CBLB: variants seen among roughly 807,000 people sequenced by gnomAD.
CBLB encodes the protein Cbl proto-oncogene B, also known as E3 ubiquitin-protein ligase CBL-B.
CBLB carries 31 observed loss-of-function variants against 104.9 expected under a neutral mutation model. The observed-to-expected ratio is 0.30, with a 90% confidence interval of 0.22 to 0.40. The LOEUF (loss-of-function observed/expected upper bound fraction) is 0.40. Ranked by LOEUF, CBLB falls within the 10% of genes least tolerant of loss-of-function variation. The pLI, the probability that CBLB is intolerant of heterozygous loss-of-function variation, is 1.00. For synonymous variants in CBLB, 440 were observed against 422.6 expected (o/e 1.04, Z -0.51); for missense variants, 1,062 against 1,214.6 (o/e 0.87, Z 1.87).
chr3:105,803,585 G>A (rs1358081470), intron 3 of CBLB, among the ~76,000 whole-genome samples: 1 of 152,134 alleles, frequency 6.6e-6, no homozygotes, highest in African/African-American at 2.4e-5. Context: ...TGGCTCACTT[G>A]AGCCCCACTC....
intron 4 of CBLB, among the ~76,000 whole-genome samples, chr3:105,771,034 C>T (rs759713661): frequency 8.5e-5 from 13 of 152,112 alleles, no homozygotes; most frequent in African/African-American, 1.7e-4. Context: ...GGGAATCCTC[C>T]GTAAATCATT....
At chr3:105,861,096 A>G (rs1484297285) in intron 2 of CBLB, among the ~76,000 whole-genome samples, 2 of 152,008 alleles carry the variant, frequency 1.3e-5, no homozygotes, top group Non-Finnish European at 2.9e-5. Context: ...TGTGTCTTTC[A>G]TTACTTGAAA....
At chr3:105,761,064 ATTC>A (rs528022284) in intron 4 of CBLB, among the ~76,000 whole-genome samples, 209 of 152,200 alleles carry the variant, frequency 1.4e-3, no homozygotes, top group Non-Finnish European at 2.6e-3. Context: ...GCAGGGTCTC[ATTC>A]TGTCACCCAG....
rs563253232 is a variant in CBLB at position 105,656,746 on chromosome 3, T to C, written c.*2224A>G. On this transcript the variant is annotated 3_prime_UTR_variant, in exon 19 of 19. Transcript: ENST00000394030. ...TGTGCTATGTTCTCTAACATTCTTA[T>C]TTTACATCATTCTCTAATATATTAG... 1 of 194,500 alleles carries C rather than the reference T, an allele frequency of 5.1e-6. No individual in the cohort carries two copies. Among genetic ancestry groups the C allele is most frequent in the South Asian group, 1.9e-4 (1 of 5,180 alleles). The allele number at this position is 194,500 out of a possible 1,614,324, so 12.0% of individuals were successfully genotyped here. A position where few individuals can be genotyped will look rare whatever the true frequency, so the allele number is the denominator to read the frequency against.
intron 17 of CBLB, chr3:105,672,305 A>T (rs1168070301): frequency 1.1e-5 from 2 of 181,402 alleles, no homozygotes; most frequent in African/African-American, 4.7e-5. Context: ...TACTAGATAC[A>T]CTCAAAATAT....
intron 3 of CBLB, among the ~76,000 whole-genome samples, chr3:105,837,961 T>C (rs545431570): frequency 3.3e-5 from 5 of 152,258 alleles, no homozygotes; most frequent in East Asian, 3.9e-4. Flanking sequence ...AATCATCCTA[T>C]AGTAATTCTA....
intron 10 of CBLB, among the ~76,000 whole-genome samples, chr3:105,712,788 T>C (rs2152809541): frequency 6.6e-6 from 1 of 152,356 alleles, no homozygotes; most frequent in Non-Finnish European, 1.5e-5. Flanking sequence ...AAATTATAAC[T>C]ATATAGATGT....
At chr3:105,863,803 A>G (rs1448113606) in intron 2 of CBLB, among the ~76,000 whole-genome samples, 1 of 152,208 alleles carries the variant, frequency 6.6e-6, no homozygotes, top group Non-Finnish European at 1.5e-5. Context: ...ATAAATGACG[A>G]GGACAGCAAA....
intron 14 of CBLB, among the ~76,000 whole-genome samples, chr3:105,683,550 T>C (rs1008078212): frequency 6.6e-6 from 1 of 151,846 alleles, no homozygotes; most frequent in African/African-American, 2.4e-5. Flanking sequence ...TCCTCACTTA[T>C]CCAGCAATGA....
intron 4 of CBLB, among the ~76,000 whole-genome samples, chr3:105,772,314 G>A (rs151175030): frequency 6.6e-6 from 1 of 152,050 alleles, no homozygotes; most frequent in African/African-American, 2.4e-5. Flanking sequence ...AAACTGGCAG[G>A]CCACATGTAG....
At position 105,850,316 on chromosome 3, in the gene CBLB, T is replaced by A. The variant is rs1330611512; in HGVS notation, c.419+3098A>T. On this transcript the variant is annotated intron_variant, in intron 3 of 18. Transcript: ENST00000394030. The stretch of plus-strand genomic sequence containing the variant: ...GTATTTGGCCAGTATTCATAGAAAA[T>A]TTAGAGTTCACATACCTCCATAACT... 2.0e-5 allele frequency among the ~76,000 whole-genome samples: 3 copies of A among 152,052 alleles called. No homozygotes were observed. In the East Asian group the frequency reaches 5.8e-4, roughly 29 times the overall value.
intron 5 of CBLB, among the ~76,000 whole-genome samples, chr3:105,748,934 G>C (rs1171341272): frequency 6.6e-6 from 1 of 152,044 alleles, no homozygotes; most frequent in Non-Finnish European, 1.5e-5. Context: ...CAATAATTTA[G>C]TCAGAAGTCA....
chr3:105,766,569 T>G (rs2078249209), intron 4 of CBLB, among the ~76,000 whole-genome samples: 1 of 152,162 alleles, frequency 6.6e-6, no homozygotes, highest in African/African-American at 2.4e-5. Context: ...GAGGCACAAC[T>G]CTCCAGCAGC....
intron 9 of CBLB, among the ~76,000 whole-genome samples, chr3:105,726,720 C>T (rs1010261811): frequency 1.3e-5 from 2 of 152,094 alleles, no homozygotes; most frequent in South Asian, 2.1e-4. Context: ...CAGCCGCTGA[C>T]AGACCCTGGT....
chr3:105,776,445 T>A lies in CBLB; in HGVS notation c.517A>T (p.Ile173Phe). The stretch of plus-strand genomic sequence containing the variant: ...AATTCAGCAGCATCTGCTTTTGTGA[T>A]ACGAAAGTTATCTCCCTGGAATTGA... ...NGQFQGDNFRITKADAAEFWR... is the reference protein window; with the variant it reads ...NGQFQGDNFRFTKADAAEFWR... Residue 173 changes from isoleucine to phenylalanine, a missense_variant, in exon 4 of 19, where the codon ATC becomes TTC. Ile to Phe is a conservative substitution (Grantham distance 21). Transcript: ENST00000394030. 6.2e-7 allele frequency: 1 copy of A among 1,613,748 alleles called. No homozygotes were observed. Among genetic ancestry groups the A allele is most frequent in the Non-Finnish European group, 8.5e-7 (1 of 1,179,808 alleles).
intron 3 of CBLB, among the ~76,000 whole-genome samples, chr3:105,808,114 T>C (rs746862859): frequency 1.3e-5 from 2 of 152,220 alleles, no homozygotes; most frequent in Non-Finnish European, 2.9e-5. Flanking sequence ...GTGCTAACAC[T>C]TGTCTTCAAC....
At chr3:105,823,795 A>C (rs2086207910) in intron 3 of CBLB, among the ~76,000 whole-genome samples, 1 of 152,022 alleles carries the variant, frequency 6.6e-6, no homozygotes, top group South Asian at 2.1e-4. Flanking sequence ...GCCAGGGTCC[A>C]TGAACTCTGC....
At chr3:105,660,086 C>A (rs1475143136) in intron 18 of CBLB, among the ~76,000 whole-genome samples, 1 of 152,172 alleles carries the variant, frequency 6.6e-6, no homozygotes, top group Non-Finnish European at 1.5e-5. Flanking sequence ...GGTCCCAGGT[C>A]ATGGGCTAGC....
intron 4 of CBLB, among the ~76,000 whole-genome samples, chr3:105,772,034 C>T (rs537537260): frequency 6.6e-5 from 10 of 152,000 alleles, no homozygotes; most frequent in Admixed American, 2.0e-4. Context: ...TCCTAAGATT[C>T]GTATGGAACC....
Sources: allele counts gnomAD v4.1 joint callset (sites outside exome capture counted in the v4.1 genomes callset), GRCh38; gene constraint gnomAD v4.1.1; transcripts MANE v1.5; gene names NCBI Gene and HGNC (gene_info 2026-07-23, HGNC 2026-07-21).